The following LYPD6 variants were observed in gnomAD, a reference collection of about 807,000 sequenced individuals.
The protein encoded by LYPD6 is ly6/PLAUR domain-containing protein 6.
Under a neutral mutation model 22.7 loss-of-function variants are expected in LYPD6, and 15 were observed. The observed-to-expected ratio is 0.66, with a 90% CI of 0.44 to 1.02. LYPD6 has a LOEUF of 1.02. Among genes scored for constraint, LYPD6 ranks in the 50% least tolerant of loss-of-function variants. The pLI, the probability that LYPD6 is intolerant of heterozygous loss-of-function variation, is 0.00. For missense variants in LYPD6, 189 were observed against 208.4 expected (o/e 0.91, Z 0.57); for synonymous variants, 72 against 77.5 (o/e 0.93, Z 0.37).
At chr2:149,346,890 G>T (rs1332400627) in intron 1 of LYPD6, among the ~76,000 whole-genome samples, 2 of 152,038 alleles carry the variant, frequency 1.3e-5, no homozygotes, top group Admixed American at 6.6e-5. Flanking sequence ...TAGTAGAGAC[G>T]GGGTTTCACC....
At chr2:149,397,487 A>G (rs1254177908) in intron 1 of LYPD6, among the ~76,000 whole-genome samples, 1 of 152,166 alleles carries the variant, frequency 6.6e-6, no homozygotes, top group African/African-American at 2.4e-5. Flanking sequence ...TATGAGGTGG[A>G]AGAATACACT....
downstream of LYPD6, among the ~76,000 whole-genome samples, chr2:149,475,141 G>C (rs1026525419): frequency 6.6e-6 from 1 of 152,158 alleles, no homozygotes. Context: ...CTCTATAAAA[G>C]TTAGAAGTGG....
intron 1 of LYPD6, among the ~76,000 whole-genome samples, chr2:149,373,990 C>G (rs909678507): frequency 1.3e-5 from 2 of 152,056 alleles, no homozygotes; most frequent in Non-Finnish European, 2.9e-5. Context: ...ATGGTCCATT[C>G]CTGCCCCCAT....
chr2:149,383,033 A>G (rs899311993), intron 1 of LYPD6, among the ~76,000 whole-genome samples: 2 of 152,092 alleles, frequency 1.3e-5, no homozygotes, highest in African/African-American at 4.8e-5. Flanking sequence ...AAACATTTCA[A>G]TAGGGTATTT....
At chr2:149,415,735 C>T (rs1038505801) in intron 1 of LYPD6, among the ~76,000 whole-genome samples, 10 of 152,212 alleles carry the variant, frequency 6.6e-5, no homozygotes, top group African/African-American at 1.9e-4. Context: ...GGCATGATCA[C>T]GGCTCACTGC....
intron 1 of LYPD6, among the ~76,000 whole-genome samples, chr2:149,404,874 C>A (rs1682658731): frequency 6.6e-6 from 1 of 152,114 alleles, no homozygotes; most frequent in African/African-American, 2.4e-5. Context: ...GTGGGTTTGT[C>A]ATAGATAGGT....
At chr2:149,400,563 G>A (rs1394011121) in intron 1 of LYPD6, among the ~76,000 whole-genome samples, 1 of 152,196 alleles carries the variant, frequency 6.6e-6, no homozygotes, top group African/African-American at 2.4e-5. Flanking sequence ...GGAGGAAACT[G>A]CAAATGTTGC....
chr2:149,421,125 C>T (rs1209568471), intron 1 of LYPD6, among the ~76,000 whole-genome samples: 1 of 152,020 alleles, frequency 6.6e-6, no homozygotes, highest in Non-Finnish European at 1.5e-5. Flanking sequence ...TTTCTTTAAT[C>T]CCACCACTTT....
intron 1 of LYPD6, among the ~76,000 whole-genome samples, chr2:149,336,466 G>A (rs1681035752): frequency 6.6e-6 from 1 of 152,194 alleles, no homozygotes; most frequent in Non-Finnish European, 1.5e-5. Context: ...CTGGCTAGTA[G>A]TCTCTCAGCT....
chr2:149,446,790 A>G (rs1249448934), intron 2 of LYPD6, among the ~76,000 whole-genome samples: 1 of 152,076 alleles, frequency 6.6e-6, no homozygotes, highest in Non-Finnish European at 1.5e-5. Context: ...ACATTATTTG[A>G]TATTGTCATA....
intron 1 of LYPD6, among the ~76,000 whole-genome samples, chr2:149,331,660 A>G (rs1434875516): frequency 6.6e-6 from 1 of 152,132 alleles, no homozygotes; most frequent in African/African-American, 2.4e-5. Flanking sequence ...GGGGAATGGA[A>G]GAGGGTCTTT....
intron 2 of LYPD6, among the ~76,000 whole-genome samples, chr2:149,442,430 G>T (rs1046435139): frequency 1.3e-5 from 2 of 152,076 alleles, no homozygotes; most frequent in Non-Finnish European, 2.9e-5. Context: ...GCACTTTGGC[G>T]TTTCTTTTTT....
At chr2:149,464,113 TAAA>T (rs34341723) in intron 3 of LYPD6, 4,057 of 358,142 alleles carry the variant, frequency 0.011, 138 homozygotes, top group African/African-American at 0.081. Flanking sequence ...TAGGTTAAAT[TAAA>T]AAAAAAAAAA....
chr2:149,390,894 G>T (rs1682292628), intron 1 of LYPD6, among the ~76,000 whole-genome samples: 1 of 152,166 alleles, frequency 6.6e-6, no homozygotes, highest in Non-Finnish European at 1.5e-5. Context: ...GAGAACATAT[G>T]CTGGATTGCA....
chr2:149,453,273 C>A (rs895890537), intron 3 of LYPD6, among the ~76,000 whole-genome samples: 6 of 152,108 alleles, frequency 3.9e-5, no homozygotes, highest in Non-Finnish European at 7.4e-5. Context: ...TCTACGTTTG[C>A]CCATGACTTT....
intron 3 of LYPD6, among the ~76,000 whole-genome samples, chr2:149,452,053 A>G (rs1680837189): frequency 6.6e-6 from 1 of 152,224 alleles, no homozygotes; most frequent in African/African-American, 2.4e-5. Context: ...TAGCTCTACA[A>G]CTTGGAACTG....
intron 1 of LYPD6, among the ~76,000 whole-genome samples, chr2:149,356,780 T>C (rs1056904259): frequency 4.6e-5 from 7 of 152,324 alleles, no homozygotes; most frequent in Non-Finnish European, 8.8e-5. Flanking sequence ...AAATGTTTTT[T>C]CAGGATGAGT....
intron 1 of LYPD6, among the ~76,000 whole-genome samples, chr2:149,383,632 C>T (rs1205313143): frequency 6.6e-6 from 1 of 152,104 alleles, no homozygotes; most frequent in African/African-American, 2.4e-5. Context: ...CAAAGCCTTC[C>T]ATGTACTGTG....
At chr2:149,419,359 AT>A (rs1204832504) in intron 1 of LYPD6, among the ~76,000 whole-genome samples, 1 of 152,142 alleles carries the variant, frequency 6.6e-6, no homozygotes, top group African/African-American at 2.4e-5. Context: ...CCTACTCCTA[AT>A]TGGTTCTGAG....
Sources: allele counts gnomAD v4.1 joint callset (sites outside exome capture counted in the v4.1 genomes callset), GRCh38; gene constraint gnomAD v4.1.1; transcripts MANE v1.5; gene names NCBI Gene and HGNC (gene_info 2026-07-23, HGNC 2026-07-21).